Variants in PDZD2 observed in about 807,000 individuals in gnomAD.
PDZD2 encodes PDZ domain-containing protein 2.
A neutral mutation model predicts 220.7 loss-of-function variants in PDZD2; 90 were observed. That is an observed-to-expected ratio of 0.41 (90% confidence interval 0.34 to 0.49). The LOEUF (loss-of-function observed/expected upper bound fraction) is 0.49, where lower values mean the gene tolerates loss of function less well. Ranked by LOEUF, PDZD2 falls within the 20% of genes least tolerant of loss-of-function variation. The pLI is 0.28. For missense variants in PDZD2, 3,174 were observed against 3,608.5 expected (o/e 0.88, Z 3.08); for synonymous variants, 1,375 against 1,450.5 (o/e 0.95, Z 1.18).
At position 31,686,598 on chromosome 5, in the gene PDZD2, C is replaced by G. The variant is rs937478776; in HGVS notation, c.-361+47161C>G. 2.0e-5 allele frequency among the ~76,000 whole-genome samples: 3 copies of G among 152,200 alleles called. No individual in the cohort carries two copies. The East Asian group carries it at 5.8e-4, about 29-fold the overall frequency. Reference sequence around the variant, plus strand: ...GCCAGGCTAGTCTCGAACTCCTGACCTCTAGTCATCCGCCTGCCTCGGCCT... The same window carrying G: ...GCCAGGCTAGTCTCGAACTCCTGACGTCTAGTCATCCGCCTGCCTCGGCCT... On this transcript the variant is annotated intron_variant, in intron 1 of 24. Transcript: ENST00000438447.
At chr5:31,783,721 G>A (rs535329978) in intron 1 of PDZD2, among the ~76,000 whole-genome samples, 35 of 152,214 alleles carry the variant, frequency 2.3e-4, no homozygotes, top group African/African-American at 8.2e-4. Flanking sequence ...CTCCCTCTGA[G>A]GCCTCAGCAA....
intron 1 of PDZD2, among the ~76,000 whole-genome samples, chr5:31,647,649 C>G (rs1451077490): frequency 6.6e-6 from 1 of 152,198 alleles, no homozygotes; most frequent in East Asian, 1.9e-4. Flanking sequence ...TTTATAAGGA[C>G]ATTTGTCATT....
chr5:31,760,654 G>C (rs1483437364), intron 1 of PDZD2, among the ~76,000 whole-genome samples: 1 of 152,164 alleles, frequency 6.6e-6, no homozygotes, highest in Non-Finnish European at 1.5e-5. Flanking sequence ...AGGCGTGGTG[G>C]CTTATGCCTG....
chr5:31,647,806 C>T (rs144814202), intron 1 of PDZD2, among the ~76,000 whole-genome samples: 2 of 152,290 alleles, frequency 1.3e-5, no homozygotes, highest in Non-Finnish European at 2.9e-5. Context: ...CTATTCAACA[C>T]AGTACAACCC....
chr5:31,994,252 C>T (rs1751457472), intron 3 of PDZD2, among the ~76,000 whole-genome samples: 1 of 152,092 alleles, frequency 6.6e-6, no homozygotes, highest in East Asian at 1.9e-4. Context: ...GGTGATCCCC[C>T]CACCTTGGCC....
chr5:31,797,978 G>T (rs1478588150), intron 1 of PDZD2, among the ~76,000 whole-genome samples: 1 of 152,142 alleles, frequency 6.6e-6, no homozygotes, highest in East Asian at 1.9e-4. Flanking sequence ...GAATGGAGGT[G>T]AAATTTTTCT....
chr5:31,995,825 A>G, intron 4 of PDZD2, 107 bp downstream of exon 4: 1 of 1,021,320 alleles, frequency 9.8e-7, no homozygotes, highest in Non-Finnish European at 1.4e-6. Flanking sequence ...CCTGGCGATT[A>G]TAGTTCATAA....
chr5:32,034,097 C>CT (rs1043539741), intron 6 of PDZD2, among the ~76,000 whole-genome samples: 5 of 152,086 alleles, frequency 3.3e-5, no homozygotes, highest in African/African-American at 1.2e-4. Context: ...CTATGAAAAC[C>CT]TGGGGCTGTG....
At chr5:31,822,699 A>T in intron 2 of PDZD2, 1 of 1,295,354 alleles carries the variant, frequency 7.7e-7, no homozygotes, top group Non-Finnish European at 1.1e-6. Context: ...CATTTCCTTC[A>T]AGGATTAATT....
intron 2 of PDZD2, among the ~76,000 whole-genome samples, chr5:31,810,467 G>A (rs1274454251): frequency 6.6e-6 from 1 of 152,078 alleles, no homozygotes; most frequent in Non-Finnish European, 1.5e-5. Context: ...GGGTTTCACT[G>A]TGTTACCCAG....
chr5:32,074,716 A>G, intron 18 of PDZD2, 73 bp downstream of exon 18: 1 of 986,068 alleles, frequency 1.0e-6, no homozygotes, highest in Non-Finnish European at 1.5e-6. Context: ...AGTCTGTTGT[A>G]AAGCATGGGT....
chr5:31,813,424 T>C (rs1755242897), intron 2 of PDZD2, among the ~76,000 whole-genome samples: 3 of 122,090 alleles, frequency 2.5e-5, no homozygotes. Flanking sequence ...TACTCCAGCC[T>C]GGGCGACAGA....
chr5:31,692,481 G>C (rs1316370837), intron 1 of PDZD2, among the ~76,000 whole-genome samples: 2 of 152,244 alleles, frequency 1.3e-5, no homozygotes, highest in African/African-American at 4.8e-5. Flanking sequence ...AGGAGGTGCC[G>C]AGAGCGAGCG....
chr5:32,057,787 C>G lies in PDZD2; in HGVS notation c.1974+59C>G, dbSNP rs78602044. 4,357 of 1,430,124 alleles carry G rather than the reference C, an allele frequency of 3.0e-3. 114 individuals are homozygous for G. In the East Asian group the frequency reaches 0.045, roughly 15 times the overall value. The allele number at this position is 1,430,124 out of a possible 1,614,324, so 88.6% of individuals were successfully genotyped here. A position where few individuals can be genotyped will look rare whatever the true frequency, so the allele number is the denominator to read the frequency against. On this transcript the variant is annotated intron_variant, in intron 11 of 24. Transcript: ENST00000438447. ...TTTTCCTTTCTTTATTTCCTTCTGG[C>G]TTGGGTTTGGTGAGTTGTTTTTTTT...
chr5:31,806,956 C>T lies in PDZD2; in HGVS notation c.476+7232C>T, dbSNP rs377271862. On this transcript the variant is annotated intron_variant, in intron 2 of 24. Coordinates refer to ENST00000438447, the MANE Select transcript of PDZD2 (RefSeq NM_178140.4). ...GTTTTTTTTTTTTTTTTTTTTAAGACGGAGTTTCACTCTTGTTGCCCAGGC... is the reference window on the plus strand; with the variant it reads ...GTTTTTTTTTTTTTTTTTTTTAAGATGGAGTTTCACTCTTGTTGCCCAGGC... Among the ~76,000 whole-genome samples the T allele has an allele frequency of 6.3e-4, 79 of 125,230 alleles. 1 individual carries two copies. Among genetic ancestry groups the T allele is most frequent in the African/African-American group, 1.9e-3 (59 of 31,292 alleles). 82.2% of individuals were successfully genotyped at this position (125,230 alleles called of 152,430 possible). A position where few individuals can be genotyped will look rare whatever the true frequency, so the allele number is the denominator to read the frequency against.
intron 2 of PDZD2, among the ~76,000 whole-genome samples, chr5:31,921,491 C>T (rs796802286): frequency 2.0e-5 from 3 of 152,148 alleles, no homozygotes; most frequent in African/African-American, 7.2e-5. Flanking sequence ...CGAGACCAGC[C>T]TAGGCAGCAT....
chr5:31,869,477 G>A (rs1457915352), intron 2 of PDZD2, among the ~76,000 whole-genome samples: 1 of 151,730 alleles, frequency 6.6e-6, no homozygotes, highest in African/African-American at 2.4e-5. Context: ...GCAGGAGAAT[G>A]GCCGTGAACC....
At chr5:31,868,967 T>G (rs1738488894) in intron 2 of PDZD2, among the ~76,000 whole-genome samples, 1 of 152,108 alleles carries the variant, frequency 6.6e-6, no homozygotes, top group African/African-American at 2.4e-5. Flanking sequence ...GAGATGAGGC[T>G]TTGCCATGTT....
At chr5:31,976,426 G>A (rs1350891324) in intron 2 of PDZD2, among the ~76,000 whole-genome samples, 1 of 152,084 alleles carries the variant, frequency 6.6e-6, no homozygotes, top group African/African-American at 2.4e-5. Context: ...ATTGCTCTCC[G>A]TCCATCCTGT....
Sources: gnomAD v4.1 joint callset for allele counts (sites outside exome capture counted in the v4.1 genomes callset) on GRCh38, gnomAD v4.1.1 for gene constraint, MANE v1.5 for transcripts, NCBI Gene and HGNC (gene_info 2026-07-23, HGNC 2026-07-21) for gene names.